Variants in PAK3 observed in about 807,000 individuals in gnomAD.
PAK3 encodes serine/threonine-protein kinase PAK 3.
In PAK3, 4 loss-of-function variants were observed where a neutral mutation model predicts 41.0. The observed-to-expected ratio is 0.10, with a 90% confidence interval of 0.05 to 0.22. The LOEUF is 0.22. Ranked by LOEUF, PAK3 falls within the 10% of genes least tolerant of loss-of-function variation. The probability of loss-of-function intolerance (pLI) is 1.00; values close to 1 mark genes in which losing one functional copy is unlikely to be tolerated. For synonymous variants in PAK3, 146 were observed against 139.6 expected (o/e 1.05, Z -0.32); for missense variants, 205 against 409.9 (o/e 0.50, Z 4.32).
At chrX:111,131,226 A>T (rs1268525000) in intron 5 of PAK3, among the ~76,000 whole-genome samples, 3 of 111,779 alleles carry the variant, frequency 2.7e-5, no homozygotes, top group Non-Finnish European at 1.9e-5. Flanking sequence ...TTTGTAAAAA[A>T]GAAAAATATG....
intron 16 of PAK3, among the ~76,000 whole-genome samples, chrX:111,211,165 G>A (rs1215316330): frequency 4.5e-5 from 5 of 110,816 alleles, no homozygotes; most frequent in East Asian, 2.8e-4. Flanking sequence ...TGTGTGTGGC[G>A]GGGCGGGAGA....
chrX:110,967,566 C>T (rs1428399499), intron 1 of PAK3, among the ~76,000 whole-genome samples: 1 of 110,949 alleles, frequency 9.0e-6, no homozygotes, highest in African/African-American at 3.3e-5. Flanking sequence ...GAATTTGGGC[C>T]CACATTTACA....
intron 1 of PAK3, among the ~76,000 whole-genome samples, chrX:110,976,360 T>C (rs1344545100): frequency 8.9e-6 from 1 of 112,029 alleles, no homozygotes; most frequent in Non-Finnish European, 1.9e-5. Context: ...CATGAAAAAA[T>C]GCTCATCATC....
chrX:110,972,042 G>A (rs2091218567), intron 1 of PAK3, among the ~76,000 whole-genome samples: 1 of 110,992 alleles, frequency 9.0e-6, no homozygotes, highest in African/African-American at 3.3e-5. Flanking sequence ...ACGTATGTAT[G>A]TAGGTATGTA....
At chrX:110,997,788 G>T (rs950282047) in intron 1 of PAK3, among the ~76,000 whole-genome samples, 3 of 111,146 alleles carry the variant, frequency 2.7e-5, no homozygotes, top group East Asian at 5.7e-4. Flanking sequence ...TGAGAGCTTT[G>T]GGAGGTGATT....
At chrX:111,146,233 T>C (rs768677108) in intron 6 of PAK3, among the ~76,000 whole-genome samples, 23 of 112,226 alleles carry the variant, frequency 2.0e-4, no homozygotes, top group African/African-American at 7.1e-4. Context: ...TCTCCAATCA[T>C]TTAATGGTAA....
rs1321003694 is a variant in PAK3 at position 111,225,137 on chromosome X, A to G, written c.*4690A>G. On this transcript the variant is annotated 3_prime_UTR_variant, in exon 18 of 18. Transcript: ENST00000372007. ...GGAAATAAATGGGAACTTGGAAATA[A>G]TGGAATATTTCTCCTATGAAAGAAT... 1 of 112,281 alleles carries G rather than the reference A, an allele frequency of 8.9e-6. No homozygotes were observed. Among genetic ancestry groups the G allele is most frequent in the Non-Finnish European group, 1.9e-5 (1 of 53,296 alleles). The allele number at this position is 112,281 out of a possible 1,213,427, so 9.3% of individuals were successfully genotyped here.
chrX:111,210,658 G>T (rs1006424513), intron 16 of PAK3, among the ~76,000 whole-genome samples: 1 of 111,865 alleles, frequency 8.9e-6, no homozygotes, highest in African/African-American at 3.3e-5. Flanking sequence ...AACATTTATT[G>T]ATCACCTATT....
chrX:110,947,147 A>T, intron 1 of PAK3, among the ~76,000 whole-genome samples: 1 of 111,725 alleles, frequency 9.0e-6, no homozygotes, highest in East Asian at 2.8e-4. Flanking sequence ...GTGGGTTCTG[A>T]GAACATGGAT....
At chrX:111,004,062 G>A (rs182983732) in intron 1 of PAK3, among the ~76,000 whole-genome samples, 71 of 112,416 alleles carry the variant, frequency 6.3e-4, no homozygotes, top group African/African-American at 2.3e-3. Context: ...CTAACACAGT[G>A]TCTGGCATAT....
At chrX:111,008,334 C>T (rs1211970731) in intron 1 of PAK3, among the ~76,000 whole-genome samples, 1 of 112,518 alleles carries the variant, frequency 8.9e-6, no homozygotes, top group Non-Finnish European at 1.9e-5. Context: ...TAAATGTGCT[C>T]AGCCAACATG....
At chrX:111,135,225 C>G (rs2093772631) in intron 5 of PAK3, among the ~76,000 whole-genome samples, 1 of 111,332 alleles carries the variant, frequency 9.0e-6, no homozygotes, top group Admixed American at 9.5e-5. Flanking sequence ...GGCAACTAAT[C>G]AGATGGTGAG....
chrX:111,108,772 C>T (rs1458521790), intron 4 of PAK3, among the ~76,000 whole-genome samples: 1 of 112,033 alleles, frequency 8.9e-6, no homozygotes, highest in Non-Finnish European at 1.9e-5. Context: ...AAATTTTTGG[C>T]CATTACTTCA....
At chrX:110,983,372 G>GGA (rs2091481011) in intron 1 of PAK3, among the ~76,000 whole-genome samples, 1 of 110,109 alleles carries the variant, frequency 9.1e-6, no homozygotes, top group African/African-American at 3.3e-5. Flanking sequence ...AGTGGAAGAT[G>GGA]GAGAATCCCT....
At chrX:110,976,847 C>A (rs779016728) in intron 1 of PAK3, among the ~76,000 whole-genome samples, 1 of 109,676 alleles carries the variant, frequency 9.1e-6, no homozygotes, top group South Asian at 4.0e-4. Flanking sequence ...TCTCAGCAAG[C>A]TATCACAAGG....
At chrX:111,030,880 T>C (rs1167503729) in intron 1 of PAK3, among the ~76,000 whole-genome samples, 5 of 111,953 alleles carry the variant, frequency 4.5e-5, no homozygotes, top group Non-Finnish European at 9.4e-5. Context: ...ATGATGTTAA[T>C]TCTCACTGTG....
chrX:111,149,733 G>A (rs1269965043), intron 7 of PAK3, among the ~76,000 whole-genome samples: 1 of 111,514 alleles, frequency 9.0e-6, no homozygotes, highest in Non-Finnish European at 1.9e-5. Flanking sequence ...GGGGACCCTG[G>A]AGCTGGCCCA....
intron 1 of PAK3, among the ~76,000 whole-genome samples, chrX:111,011,295 G>A (rs2092007725): frequency 9.0e-6 from 1 of 111,669 alleles, no homozygotes; most frequent in Admixed American, 9.5e-5. Flanking sequence ...TCACACAAAA[G>A]CAGTTTATGC....
intron 16 of PAK3, among the ~76,000 whole-genome samples, chrX:111,211,810 C>G (rs957092279): frequency 9.0e-6 from 1 of 111,324 alleles, no homozygotes; most frequent in Non-Finnish European, 1.9e-5. Context: ...AAAACCACCT[C>G]TGTGGACCAT....
Sources: gnomAD v4.1 joint callset for allele counts (sites outside exome capture counted in the v4.1 genomes callset) on GRCh38, gnomAD v4.1.1 for gene constraint, MANE v1.5 for transcripts, NCBI Gene and HGNC (gene_info 2026-07-23, HGNC 2026-07-21) for gene names.